The following VWA3B variants were observed in gnomAD, a reference collection of about 807,000 sequenced individuals.
VWA3B encodes the protein von Willebrand factor A domain-containing protein 3B.
In VWA3B, 138 loss-of-function variants were observed where a neutral mutation model predicts 158.3. That is an observed-to-expected ratio of 0.87 (90% confidence interval 0.76 to 1.00). VWA3B has a LOEUF of 1.00. Among genes scored for constraint, VWA3B ranks in the 50% least tolerant of loss-of-function variants. VWA3B has a pLI of 0.00. For missense variants in VWA3B, 1,555 were observed against 1,565.1 expected, an observed-to-expected ratio of 0.99 and a Z score of 0.11; for synonymous variants, 596 against 587.3, an observed-to-expected ratio of 1.01 and a Z score of -0.21.
At chr2:98,238,794 C>T (rs372548751) in intron 19 of VWA3B, among the ~76,000 whole-genome samples, 1 of 152,070 alleles carries the variant, frequency 6.6e-6, no homozygotes, top group Non-Finnish European at 1.5e-5. Flanking sequence ...TATAAAGCAC[C>T]GTGTTTGTAT....
chr2:98,166,075 G>A (rs566781665), intron 8 of VWA3B, among the ~76,000 whole-genome samples: 86 of 152,252 alleles, frequency 5.6e-4, no homozygotes, highest in African/African-American at 2.0e-3. Flanking sequence ...GGTGGCTCAC[G>A]CCTGTAATCC....
the VWA3B span, among the ~76,000 whole-genome samples, chr2:98,322,092 TGTG>T: frequency 6.6e-6 from 1 of 152,234 alleles, no homozygotes; most frequent in Admixed American, 6.5e-5. Context: ...CTGCCATGAT[TGTG>T]AGGCCTCCCC....
At chr2:98,205,169 C>T (rs1260806209) in intron 12 of VWA3B, among the ~76,000 whole-genome samples, 2 of 152,150 alleles carry the variant, frequency 1.3e-5, no homozygotes, top group South Asian at 4.1e-4. Flanking sequence ...ACAGATACTT[C>T]TTTTCAGGGG....
chr2:98,093,361 G>A (rs1463239921), intron 2 of VWA3B, 73 bp downstream of exon 2: 1 of 1,522,068 alleles, frequency 6.6e-7, no homozygotes, highest in Non-Finnish European at 9.0e-7. Flanking sequence ...CAGCTCTGAA[G>A]GCCCCTCAAA....
the VWA3B span, among the ~76,000 whole-genome samples, chr2:98,329,617 A>G: frequency 6.6e-6 from 1 of 152,146 alleles, no homozygotes; most frequent in African/African-American, 2.4e-5. Context: ...TCACCAGGAA[A>G]AACCTTATGT....
intron 22 of VWA3B, among the ~76,000 whole-genome samples, chr2:98,282,992 T>C (rs927871784): frequency 1.3e-5 from 2 of 152,110 alleles, no homozygotes; most frequent in Non-Finnish European, 2.9e-5. Context: ...GTGATAACTA[T>C]AGAAAAAAAG....
rs369830429 is a variant in VWA3B at position 98,281,821 on chromosome 2, C to T, written c.3046-8690C>T. Among the ~76,000 whole-genome samples the T allele has an allele frequency of 2.6e-4, 39 of 152,234 alleles. No homozygotes were observed. In the East Asian group the frequency reaches 4.4e-3, roughly 17 times the overall value. On this transcript the variant is annotated intron_variant, in intron 22 of 27. Coordinates refer to ENST00000477737, the MANE Select transcript of VWA3B (RefSeq NM_144992.5). ...TCAAATTACTTAGCACACAGCATCC[C>T]TCCTGCTGGTGTCATTGCTCGTGGG...
chr2:98,169,029 C>T (rs1033435262), intron 8 of VWA3B, among the ~76,000 whole-genome samples: 4 of 152,092 alleles, frequency 2.6e-5, no homozygotes, highest in African/African-American at 9.7e-5. Context: ...GAAAACTACA[C>T]CCAGAGACAT....
intron 7 of VWA3B, among the ~76,000 whole-genome samples, chr2:98,151,696 C>T (rs1388474606): frequency 1.3e-5 from 2 of 152,210 alleles, no homozygotes; most frequent in Non-Finnish European, 2.9e-5. Flanking sequence ...CCACTAAATA[C>T]TTGTGTGACC....
At chr2:98,156,654 GA>G (rs1459270008) in intron 7 of VWA3B, among the ~76,000 whole-genome samples, 1 of 139,964 alleles carries the variant, frequency 7.1e-6, no homozygotes. Flanking sequence ...TGGAAAAACT[GA>G]AAAAAACTCA....
At position 98,185,633 on chromosome 2, in the gene VWA3B, A is replaced by G. The variant is rs1359023999; in HGVS notation, c.1312-2342A>G. Among the ~76,000 whole-genome samples, 4 of 152,168 alleles carry G rather than the reference A, an allele frequency of 2.6e-5. No individual in the cohort carries two copies. The South Asian group carries it at 6.2e-4, about 24-fold the overall frequency. Reference sequence around the variant, plus strand: ...TGAGCTTGCTTCCTGTGTTGTGAACATCGACGGGAATGTCATGAGCTTCTG... The same window carrying G: ...TGAGCTTGCTTCCTGTGTTGTGAACGTCGACGGGAATGTCATGAGCTTCTG... On this transcript the variant is annotated intron_variant, in intron 9 of 27. Coordinates refer to ENST00000477737, the MANE Select transcript of VWA3B (RefSeq NM_144992.5).
intron 8 of VWA3B, among the ~76,000 whole-genome samples, chr2:98,171,719 A>G (rs774094659): frequency 3.9e-5 from 6 of 152,138 alleles, no homozygotes; most frequent in Non-Finnish European, 7.4e-5. Flanking sequence ...GGTGGGAAAC[A>G]AGTTGGAGAT....
Position 98,093,663 on chromosome 2 carries a change from C to T in VWA3B, c.196+375C>T, listed in dbSNP as rs181474532. ...TCATTTTTTGTGGTGAGAACACTTA[C>T]CCACTCTTTCTGTGTTTTTCAAGAA... On this transcript the variant is annotated intron_variant, in intron 2 of 27. Transcript: ENST00000477737. Among the ~76,000 whole-genome samples the T allele has an allele frequency of 1.6e-4, 24 of 152,148 alleles. No individual in the cohort carries two copies. In the East Asian group the frequency reaches 4.1e-3, roughly 26 times the overall value.
intron 8 of VWA3B, among the ~76,000 whole-genome samples, chr2:98,177,994 G>C (rs893988004): frequency 2.6e-5 from 4 of 152,022 alleles, no homozygotes; most frequent in Non-Finnish European, 4.4e-5. Context: ...AGGGAGAGGA[G>C]AAAAGGAAAG....
At chr2:98,128,816 CCTACACCCCA>C (rs1466026345) in intron 6 of VWA3B, among the ~76,000 whole-genome samples, 2 of 152,236 alleles carry the variant, frequency 1.3e-5, no homozygotes, top group African/African-American at 4.8e-5. Flanking sequence ...CGGGACAGCC[CCTACACCCCA>C]GAGCTCAGGG....
intron 12 of VWA3B, among the ~76,000 whole-genome samples, chr2:98,196,747 G>T (rs1055494893): frequency 6.6e-6 from 1 of 152,166 alleles, no homozygotes; most frequent in Non-Finnish European, 1.5e-5. Context: ...ATTGAGAATG[G>T]GCTCAGAGGG....
chr2:98,167,060 C>G (rs1416542347), intron 8 of VWA3B, among the ~76,000 whole-genome samples: 1 of 152,058 alleles, frequency 6.6e-6, no homozygotes, highest in African/African-American at 2.4e-5. Flanking sequence ...CTTGGAAGGC[C>G]TCCTAGGAAG....
chr2:98,123,773 T>C (rs1675154022), intron 5 of VWA3B, among the ~76,000 whole-genome samples: 1 of 152,078 alleles, frequency 6.6e-6, no homozygotes, highest in African/African-American at 2.4e-5. Context: ...GTCCAGGACA[T>C]GCATCTTTGG....
chr2:98,171,133 C>T (rs1170485117), intron 8 of VWA3B, among the ~76,000 whole-genome samples: 1 of 152,204 alleles, frequency 6.6e-6, no homozygotes, highest in Non-Finnish European at 1.5e-5. Flanking sequence ...ATCCACTCGT[C>T]TATTCTTTCC....
Sources: gnomAD v4.1 joint callset for allele counts (sites outside exome capture counted in the v4.1 genomes callset) on GRCh38, gnomAD v4.1.1 for gene constraint, MANE v1.5 for transcripts, NCBI Gene and HGNC (gene_info 2026-07-23, HGNC 2026-07-21) for gene names.